The following CHRNA7 variants were observed in gnomAD, a reference collection of about 807,000 sequenced individuals.
CHRNA7 encodes cholinergic receptor nicotinic alpha 7 subunit, also known as neuronal acetylcholine receptor subunit alpha-7.
CHRNA7 carries 17 observed loss-of-function variants against 48.0 expected under a neutral mutation model. The ratio of observed to expected loss-of-function variants is 0.35; its 90% confidence interval spans 0.24 to 0.53. The LOEUF (loss-of-function observed/expected upper bound fraction) is 0.53, where lower values mean the gene tolerates loss of function less well. CHRNA7 is among the 20% of genes least tolerant of loss of function. CHRNA7 has a pLI of 0.92. For missense variants in CHRNA7, 155 were observed against 577.7 expected, an observed-to-expected ratio of 0.27 and a Z score of 7.50; for synonymous variants, 75 against 242.3, an observed-to-expected ratio of 0.31 and a Z score of 6.41.
intron 4 of CHRNA7, among the ~76,000 whole-genome samples, chr15:32,124,579 C>G (rs2141304410): frequency 6.6e-6 from 1 of 152,290 alleles, no homozygotes. Flanking sequence ...GAAGAAAATT[C>G]ATAAGCAGAT....
At chr15:32,045,075 T>TA (rs1445967128) in intron 2 of CHRNA7, among the ~76,000 whole-genome samples, 1 of 152,250 alleles carries the variant, frequency 6.6e-6, no homozygotes, top group East Asian at 1.9e-4. Flanking sequence ...GCTTTAGTGT[T>TA]AAGAGTTTCC....
intron 2 of CHRNA7, among the ~76,000 whole-genome samples, chr15:32,057,113 A>G (rs993034077): frequency 3.3e-5 from 5 of 152,174 alleles, no homozygotes; most frequent in African/African-American, 9.7e-5. Context: ...CTAGCTGTTC[A>G]TGGTTAGCTG....
At chr15:32,121,215 C>G (rs1248942216) in intron 4 of CHRNA7, among the ~76,000 whole-genome samples, 1 of 152,160 alleles carries the variant, frequency 6.6e-6, no homozygotes, top group Non-Finnish European at 1.5e-5. Flanking sequence ...GCCACATGGT[C>G]GGTGGAGCTG....
chr15:32,129,566 T>C (rs1395619511), intron 4 of CHRNA7, among the ~76,000 whole-genome samples: 2 of 152,062 alleles, frequency 1.3e-5, no homozygotes, highest in Non-Finnish European at 2.9e-5. Context: ...GAGTTGTTCA[T>C]AGCTTTCCTC....
In CHRNA7 at chr15:32,042,998, G is replaced by A. The variant is rs550665028; in HGVS notation, c.195+11961G>A. Among the ~76,000 whole-genome samples, 10 of 152,284 alleles carry A rather than the reference G, an allele frequency of 6.6e-5. 1 individual carries two copies. Among genetic ancestry groups the A allele is most frequent in the Admixed American group, 2.6e-4 (4 of 15,290 alleles). Reference sequence around the variant, plus strand: ...AAATCAGCACACACAAGGCATTCTGGCAGAGTTCATGCTATCTTTTCTTTA... The same window carrying A: ...AAATCAGCACACACAAGGCATTCTGACAGAGTTCATGCTATCTTTTCTTTA... On this transcript the variant is annotated intron_variant, in intron 2 of 9. Transcript: ENST00000306901.
At chr15:32,033,342 A>G (rs1901934087) in intron 2 of CHRNA7, among the ~76,000 whole-genome samples, 1 of 152,290 alleles carries the variant, frequency 6.6e-6, no homozygotes, top group South Asian at 2.1e-4. Context: ...CTCCATCTTA[A>G]TTATGTAACT....
intron 4 of CHRNA7, among the ~76,000 whole-genome samples, chr15:32,138,056 A>G (rs1404111471): frequency 6.6e-6 from 1 of 152,210 alleles, no homozygotes; most frequent in Non-Finnish European, 1.5e-5. Context: ...ATTAACTCCA[A>G]TGAAAAAAAG....
intron 3 of CHRNA7, among the ~76,000 whole-genome samples, chr15:32,105,237 TG>T (rs1430214997): frequency 4.5e-4 from 68 of 152,316 alleles, no homozygotes; most frequent in African/African-American, 1.6e-3. Flanking sequence ...GGTATTAAAC[TG>T]GGCCAGGTGA....
chr15:32,065,813 G>C (rs1031397543), intron 2 of CHRNA7, among the ~76,000 whole-genome samples: 1 of 151,398 alleles, frequency 6.6e-6, no homozygotes, highest in African/African-American at 2.4e-5. Flanking sequence ...TGGAAGGTGT[G>C]TCACAGCACA....
chr15:32,052,078 C>T (rs2049694777), intron 2 of CHRNA7, among the ~76,000 whole-genome samples: 1 of 152,138 alleles, frequency 6.6e-6, no homozygotes, highest in African/African-American at 2.4e-5. Context: ...AAATAATCAC[C>T]ACAGGCTCTG....
intron 6 of CHRNA7, 123 bp from the exon 7 acceptor site, chr15:32,158,289 C>CGT: frequency 1.9e-6 from 1 of 522,136 alleles, no homozygotes; most frequent in Non-Finnish European, 2.7e-6. Context: ...CAACCCCCCC[C>CGT]TTTTTTTTTT....
At chr15:32,039,681 G>T (rs1297549200) in intron 2 of CHRNA7, among the ~76,000 whole-genome samples, 1 of 152,058 alleles carries the variant, frequency 6.6e-6, no homozygotes, top group African/African-American at 2.4e-5. Flanking sequence ...GCACAATTAT[G>T]GGGAATATTC....
intron 2 of CHRNA7, 21 bp from the exon 3 acceptor site, chr15:32,101,282 G>GC: frequency 2.2e-6 from 2 of 919,874 alleles, no homozygotes; most frequent in South Asian, 1.4e-5. Context: ...TTATGCTGCT[G>GC]CTTTTTTTTT....
intron 2 of CHRNA7, among the ~76,000 whole-genome samples, chr15:32,045,600 A>G (rs562275926): frequency 6.6e-6 from 1 of 151,608 alleles, no homozygotes; most frequent in African/African-American, 2.4e-5. Context: ...ATGGTGGCAC[A>G]GTCTCGGCTC....
intron 2 of CHRNA7, among the ~76,000 whole-genome samples, chr15:32,043,630 ACAC>A (rs1477539329): frequency 6.6e-6 from 1 of 152,186 alleles, no homozygotes; most frequent in Non-Finnish European, 1.5e-5. Context: ...GGACTTTACA[ACAC>A]TTTAATTCCA....
intron 2 of CHRNA7, among the ~76,000 whole-genome samples, chr15:32,082,314 A>G (rs748427616): frequency 6.7e-6 from 1 of 148,952 alleles, no homozygotes; most frequent in Non-Finnish European, 1.5e-5. Context: ...TCTTTTATCT[A>G]GGACTCCAAT....
intron 4 of CHRNA7, among the ~76,000 whole-genome samples, chr15:32,143,572 A>G (rs377375521): frequency 4.6e-5 from 7 of 152,178 alleles, no homozygotes; most frequent in Non-Finnish European, 1.0e-4. Context: ...GTAGGTCTCT[A>G]AGGACTTGCT....
At chr15:32,083,192 A>G (rs776807067) in intron 2 of CHRNA7, among the ~76,000 whole-genome samples, 1 of 152,224 alleles carries the variant, frequency 6.6e-6, no homozygotes, top group Non-Finnish European at 1.5e-5. Context: ...GTGATTAGCT[A>G]ATAATGATTA....
intron 2 of CHRNA7, among the ~76,000 whole-genome samples, chr15:32,044,415 C>G (rs917851495): frequency 1.3e-5 from 2 of 152,036 alleles, no homozygotes; most frequent in Non-Finnish European, 2.9e-5. Flanking sequence ...GTAGCTGGAA[C>G]TACAGGTGTG....
Sources: allele counts gnomAD v4.1 joint callset (sites outside exome capture counted in the v4.1 genomes callset), GRCh38; gene constraint gnomAD v4.1.1; transcripts MANE v1.5; gene names NCBI Gene and HGNC (gene_info 2026-07-23, HGNC 2026-07-21).